Variants in TECPR2 observed in about 807,000 individuals in gnomAD.
TECPR2 encodes tectonin beta-propeller repeat-containing protein 2.
In TECPR2, 65 loss-of-function variants were observed where a neutral mutation model predicts 138.1. That is an observed-to-expected ratio of 0.47 (90% CI 0.39 to 0.58). TECPR2 has a LOEUF of 0.58. Ranked by LOEUF, TECPR2 falls within the 20% of genes least tolerant of loss-of-function variation. TECPR2 has a pLI of 0.00. For missense variants in TECPR2, 1,553 were observed against 1,824.5 expected (o/e 0.85, Z 2.71); for synonymous variants, 746 against 749.8 (o/e 0.99, Z 0.08).
chr14:102,367,350 T>C (rs373110752), intron 1 of TECPR2, among the ~76,000 whole-genome samples: 1 of 152,290 alleles, frequency 6.6e-6, no homozygotes. Context: ...CGTCACTACG[T>C]CAATTTTAGA....
intron 17 of TECPR2, among the ~76,000 whole-genome samples, chr14:102,473,552 A>G (rs76616141): frequency 0.016 from 2,371 of 152,354 alleles, 27 homozygotes; most frequent in Middle Eastern, 0.027. Flanking sequence ...TCAAGGGCAC[A>G]TGAAGTGAAG....
chr14:102,390,243 TA>T (rs1222745988), intron 2 of TECPR2, among the ~76,000 whole-genome samples: 2 of 152,246 alleles, frequency 1.3e-5, no homozygotes, highest in Non-Finnish European at 2.9e-5. Context: ...AGCTGAATGC[TA>T]TTGTAATGGT....
intron 17 of TECPR2, among the ~76,000 whole-genome samples, chr14:102,483,791 CTTTTT>C (rs71119708): frequency 2.5e-4 from 23 of 92,432 alleles, no homozygotes; most frequent in African/African-American, 7.8e-4. Flanking sequence ...TTTTCCTTTT[CTTTTT>C]TTTTTTTTTT....
At chr14:102,413,425 G>A (rs940579047) in intron 4 of TECPR2, among the ~76,000 whole-genome samples, 2 of 151,322 alleles carry the variant, frequency 1.3e-5, no homozygotes, top group Admixed American at 1.3e-4. Context: ...TGTTGCCCAG[G>A]CTGGAGTGCA....
chr14:102,379,424 TC>T, intron 2 of TECPR2, among the ~76,000 whole-genome samples: 1 of 138,170 alleles, frequency 7.2e-6, no homozygotes, highest in East Asian at 2.2e-4. Flanking sequence ...CACAGAGGCA[TC>T]CTAGTCACAC....
chr14:102,450,418 G>T (rs1890108139), intron 14 of TECPR2, 142 bp from the exon 15 acceptor site: 2 of 755,194 alleles, frequency 2.6e-6, no homozygotes, highest in South Asian at 3.4e-5. Flanking sequence ...GGCTGTGATT[G>T]CTCATGTCGC....
intron 17 of TECPR2, among the ~76,000 whole-genome samples, chr14:102,482,545 C>T (rs148261446): frequency 6.6e-6 from 1 of 152,340 alleles, no homozygotes; most frequent in African/African-American, 2.4e-5. Context: ...CCTAGCGTCA[C>T]CTTTGACCTC....
intron 17 of TECPR2, among the ~76,000 whole-genome samples, chr14:102,480,004 A>G (rs12887671): frequency 0.16 from 23,829 of 152,212 alleles, 2,054 homozygotes; most frequent in South Asian, 0.3. Flanking sequence ...AAGAACTTCA[A>G]CTAATACTTG....
At chr14:102,474,984 G>T (rs1217322050) in intron 17 of TECPR2, among the ~76,000 whole-genome samples, 1 of 152,310 alleles carries the variant, frequency 6.6e-6, no homozygotes, top group African/African-American at 2.4e-5. Flanking sequence ...GTTGTGCCGG[G>T]CCTCCTCAGC....
At chr14:102,390,891 G>C (rs1317965006) in intron 2 of TECPR2, among the ~76,000 whole-genome samples, 2 of 151,854 alleles carry the variant, frequency 1.3e-5, no homozygotes, top group Non-Finnish European at 2.9e-5. Context: ...TGGCTTTCCA[G>C]CTTAAACTTC....
At position 102,465,530 on chromosome 14, in the gene TECPR2, A is replaced by C. The variant is rs2139772088; in HGVS notation, c.3789+241A>C. Reference sequence around the variant, plus strand: ...GTCAACACGTATATTTTCTCTTTCAAAATAATAATATTTCGTTTTTGACTT... The same window carrying C: ...GTCAACACGTATATTTTCTCTTTCACAATAATAATATTTCGTTTTTGACTT... On this transcript the variant is annotated intron_variant, in intron 17 of 19. Transcript: ENST00000359520. 4 of 1,216,720 alleles carry C rather than the reference A, an allele frequency of 3.3e-6. No homozygotes were observed. In the South Asian group the frequency reaches 1.1e-4, roughly 33 times the overall value. 75.4% of individuals were successfully genotyped at this position (1,216,720 alleles called of 1,614,324 possible).
At chr14:102,426,051 ATT>A (rs1185937850) in intron 6 of TECPR2, among the ~76,000 whole-genome samples, 3 of 144,954 alleles carry the variant, frequency 2.1e-5, no homozygotes, top group Admixed American at 6.9e-5. Flanking sequence ...CGCCTGGCTA[ATT>A]TTTTTGTATT....
chr14:102,384,401 G>T (rs561633800), intron 2 of TECPR2, among the ~76,000 whole-genome samples: 1 of 151,858 alleles, frequency 6.6e-6, no homozygotes, highest in East Asian at 1.9e-4. Flanking sequence ...ATGGTAGGCC[G>T]GGCATGGTGG....
In TECPR2 at chr14:102,428,233, T is replaced by TTTTTTTTTTTTTTTC; in HGVS notation, c.952-6_952-5insTTTCTTTTTTTTTTT. 7.3e-7 allele frequency: 1 copy of TTTTTTTTTTTTTTTC among 1,370,642 alleles called. No individual in the cohort carries two copies. The highest frequency in any genetic ancestry group is 9.4e-7 in the Non-Finnish European group (1 of 1,059,576). 84.9% of individuals were successfully genotyped at this position (1,370,642 alleles called of 1,614,324 possible). A position where few individuals can be genotyped will look rare whatever the true frequency, so the allele number is the denominator to read the frequency against. The stretch of plus-strand genomic sequence containing the variant: ...GTTTTGTGTTTTTTGTTTTTTTTTT[T>TTTTTTTTTTTTTTTC]TTTTTTTTTTTGACAGGCCACAGTT... On this transcript the variant is annotated splice_polypyrimidine_tract_variant and intron_variant, in intron 6 of 19. Transcript: ENST00000359520.
chr14:102,383,546 T>TA (rs1321659378), intron 2 of TECPR2, among the ~76,000 whole-genome samples: 1 of 151,964 alleles, frequency 6.6e-6, no homozygotes, highest in East Asian at 1.9e-4. Flanking sequence ...TAGCTGGAAT[T>TA]ACAGGTGCCC....
rs1267728416 is a variant in TECPR2 at position 102,450,620 on chromosome 14, T to C, written c.3377T>C (p.Val1126Ala). The change falls in exon 15 of 20, where the codon GTG (valine) becomes GCG (alanine). Residue 1126 changes from valine (V) to alanine (A), a missense_variant. By Grantham distance (64) the Val-to-Ala change is moderately conservative. Coordinates refer to ENST00000359520, the MANE Select transcript of TECPR2 (RefSeq NM_014844.5). Reference protein sequence around the residue: ...GTASATKWAFVLASAAPTKEG... With the variant: ...GTASATKWAFALASAAPTKEG... ...GCTTCTGCTACAAAATGGGCCTTTG[T>C]GTTGGCTTCTGCAGCTCCCACGAAG... The C allele has an allele frequency of 1.2e-6, 2 of 1,614,212 alleles. No individual in the cohort carries two copies. Among genetic ancestry groups the C allele is most frequent in the South Asian group, 1.1e-5 (1 of 91,084 alleles).
At chr14:102,421,309 C>G (rs1889174492) in intron 5 of TECPR2, among the ~76,000 whole-genome samples, 1 of 152,204 alleles carries the variant, frequency 6.6e-6, no homozygotes, top group Admixed American at 6.5e-5. Context: ...AGGCAGTAAT[C>G]AGATACGATG....
chr14:102,395,999 A>G (rs1007943282), intron 2 of TECPR2, among the ~76,000 whole-genome samples: 1 of 152,098 alleles, frequency 6.6e-6, no homozygotes, highest in Admixed American at 6.6e-5. Context: ...CCTGTTGATC[A>G]GGTGAAGTAG....
At chr14:102,427,112 G>A (rs540838120) in intron 6 of TECPR2, among the ~76,000 whole-genome samples, 2 of 152,136 alleles carry the variant, frequency 1.3e-5, no homozygotes, top group Admixed American at 6.6e-5. Flanking sequence ...GGTGGAAGAA[G>A]CATCGACTTA....
Sources: gnomAD v4.1 joint callset for allele counts (sites outside exome capture counted in the v4.1 genomes callset) on GRCh38, gnomAD v4.1.1 for gene constraint, MANE v1.5 for transcripts, NCBI Gene and HGNC (gene_info 2026-07-23, HGNC 2026-07-21) for gene names.